ANO6: variants seen among roughly 807,000 people sequenced by gnomAD.
The protein encoded by ANO6 is anoctamin 6.
Under a neutral mutation model 117.5 loss-of-function variants are expected in ANO6, and 106 were observed. That is an observed-to-expected ratio of 0.90 (90% CI 0.77 to 1.06). ANO6 has a LOEUF of 1.06. Ranked by LOEUF, ANO6 falls within the 50% of genes least tolerant of loss-of-function variation. The pLI, the probability that ANO6 is intolerant of heterozygous loss-of-function variation, is 0.00. For synonymous variants in ANO6, 367 were observed against 385.1 expected, an observed-to-expected ratio of 0.95 and a Z score of 0.55; for missense variants, 955 against 1,121.1, an observed-to-expected ratio of 0.85 and a Z score of 2.12.
intron 2 of ANO6, among the ~76,000 whole-genome samples, chr12:45,317,113 G>GTGTGTGTGTGTATATATATATATATATA: frequency 2.0e-4 from 13 of 66,486 alleles, no homozygotes; most frequent in Non-Finnish European, 3.7e-4. Context: ...CTTTTTATAT[G>GTGTGTGTGTGTATATATATATATATATA]TATATATATA....
chr12:45,344,469 A>G (rs1011808226), intron 3 of ANO6, among the ~76,000 whole-genome samples: 1 of 152,198 alleles, frequency 6.6e-6, no homozygotes, highest in African/African-American at 2.4e-5. Context: ...GGAAGAAGGC[A>G]CATCTTACAT....
Position 45,388,274 on chromosome 12 carries a change from A to T in ANO6, c.1279A>T (p.Thr427Ser). ...QARPEYEARC[T>S]HVVINEITQE... is the part of the protein sequence containing the mutation. ...CCGACCAGAATACGAAGCACGATGT[A>T]CTCACGTAGTGATAAATGAGATTAC... The change falls in exon 11 of 20, where the codon ACT becomes TCT. Residue 427 changes from threonine (T) to serine (S), a missense_variant. Coordinates refer to ENST00000320560, the MANE Select transcript of ANO6 (RefSeq NM_001025356.3). 6.2e-7 allele frequency: 1 copy of T among 1,614,126 alleles called. No homozygotes were observed. The highest frequency in any genetic ancestry group is 2.2e-5 in the East Asian group (1 of 44,868).
intron 1 of ANO6, among the ~76,000 whole-genome samples, chr12:45,271,217 G>T (rs909445721): frequency 7.9e-5 from 12 of 152,080 alleles, no homozygotes; most frequent in African/African-American, 2.9e-4. Flanking sequence ...CAACATCCAG[G>T]GACCTTCGAA....
At chr12:45,217,450 G>C (rs546010091) in intron 1 of ANO6, among the ~76,000 whole-genome samples, 3 of 152,232 alleles carry the variant, frequency 2.0e-5, no homozygotes, top group Non-Finnish European at 4.4e-5. Flanking sequence ...TTTTGGGCAC[G>C]GAATATTTCG....
chr12:45,273,432 G>A (rs1014794814), intron 1 of ANO6, among the ~76,000 whole-genome samples: 1 of 152,170 alleles, frequency 6.6e-6, no homozygotes, highest in Admixed American at 6.5e-5. Flanking sequence ...TTTGGGGAAG[G>A]CAGCCAAGCA....
rs1172022556 is a variant in ANO6, at chr12:45,430,719, G to C, written c.*1408G>C. Reference sequence around the variant, plus strand: ...TCCTGCTGCACTCCTGTCTTGCCATGCACGTCTTGCCCCCTCACTTTTGCT... The same window carrying C: ...TCCTGCTGCACTCCTGTCTTGCCATCCACGTCTTGCCCCCTCACTTTTGCT... On this transcript the variant is annotated 3_prime_UTR_variant, in exon 20 of 20. Coordinates refer to ENST00000320560, the MANE Select transcript of ANO6 (RefSeq NM_001025356.3). 1.0e-6 allele frequency: 1 copy of C among 985,280 alleles called. No homozygotes were observed. The highest frequency in any genetic ancestry group is 1.2e-6 in the Non-Finnish European group (1 of 829,962). The allele number at this position is 985,280 out of a possible 1,614,324, so 61.0% of individuals were successfully genotyped here.
chr12:45,299,808 C>T (rs1312357673), intron 1 of ANO6, among the ~76,000 whole-genome samples: 4 of 151,742 alleles, frequency 2.6e-5, no homozygotes, highest in African/African-American at 7.3e-5. Context: ...GCCCAGATTG[C>T]GCTACTGCAC....
rs1018317508 is a variant in ANO6 at position 45,358,933 on chromosome 12, G to A, written c.998+1509G>A. ...CTGAGTAGCTGGGATTACAGGCTGC[G>A]CCACCACACCCGGCTAATTTTTGTA... On this transcript the variant is annotated intron_variant, in intron 8 of 19. Transcript: ENST00000320560. 1.4e-4 allele frequency among the ~76,000 whole-genome samples: 21 copies of A among 152,026 alleles called. No homozygotes were observed. In the South Asian group the frequency reaches 2.5e-3, roughly 18 times the overall value.
At chr12:45,392,739 C>G (rs939809734) in intron 12 of ANO6, among the ~76,000 whole-genome samples, 1 of 152,186 alleles carries the variant, frequency 6.6e-6, no homozygotes, top group Non-Finnish European at 1.5e-5. Flanking sequence ...CTCCAACAGA[C>G]CTGCAGCTGA....
chr12:45,303,509 G>A (rs1191458584), intron 2 of ANO6, among the ~76,000 whole-genome samples: 3 of 152,126 alleles, frequency 2.0e-5, no homozygotes, highest in Non-Finnish European at 4.4e-5. Flanking sequence ...CAAGGTGTTG[G>A]TGCGCCTGGT....
intron 1 of ANO6, among the ~76,000 whole-genome samples, chr12:45,254,086 GA>G (rs1247056813): frequency 3.9e-5 from 6 of 152,312 alleles, no homozygotes; most frequent in African/African-American, 1.4e-4. Flanking sequence ...AGAATCGCTT[GA>G]ACCCGGGAGG....
intron 3 of ANO6, among the ~76,000 whole-genome samples, chr12:45,341,122 G>C (rs148952425): frequency 3.6e-4 from 55 of 152,242 alleles, no homozygotes; most frequent in African/African-American, 1.3e-3. Flanking sequence ...GTAAAATGGA[G>C]GGCATTATAA....
chr12:45,225,102 C>A (rs1205662924), intron 1 of ANO6, among the ~76,000 whole-genome samples: 1 of 147,776 alleles, frequency 6.8e-6, no homozygotes, highest in African/African-American at 2.5e-5. Context: ...GTGGAAGATT[C>A]AATTGAACCC....
At chr12:45,350,174 G>A (rs1941243567) in intron 6 of ANO6, among the ~76,000 whole-genome samples, 1 of 152,172 alleles carries the variant, frequency 6.6e-6, no homozygotes, top group Admixed American at 6.5e-5. Flanking sequence ...TTTATTGTTT[G>A]TTTTCTGTAT....
intron 2 of ANO6, among the ~76,000 whole-genome samples, chr12:45,330,969 T>A (rs375971596): frequency 3.0e-4 from 45 of 152,074 alleles, no homozygotes; most frequent in Middle Eastern, 3.4e-3. Flanking sequence ...GCAGTTTTTT[T>A]TACTATGTTC....
intron 9 of ANO6, among the ~76,000 whole-genome samples, chr12:45,372,430 T>C (rs1239173469): frequency 7.0e-6 from 1 of 141,982 alleles, no homozygotes; most frequent in Admixed American, 7.1e-5. Flanking sequence ...AAAGTTGAAA[T>C]GAAGGAAAAA....
intron 1 of ANO6, among the ~76,000 whole-genome samples, chr12:45,224,722 A>T (rs1487475856): frequency 1.3e-5 from 2 of 151,922 alleles, no homozygotes; most frequent in Admixed American, 1.3e-4. Context: ...CTGTATACAC[A>T]CTCGTCTTTT....
chr12:45,383,439 T>C (rs1272226597), intron 10 of ANO6: 1 of 152,314 alleles, frequency 6.6e-6, no homozygotes, highest in Admixed American at 6.5e-5. Context: ...TAATGACATC[T>C]AGAATGGTGA....
rs571127621 is a variant in ANO6, at chr12:45,245,446, A to G, written c.70+29055A>G. 2.1e-5 allele frequency among the ~76,000 whole-genome samples: 3 copies of G among 143,424 alleles called. No homozygotes were observed. The South Asian group carries it at 6.6e-4, about 31-fold the overall frequency. The allele number at this position is 143,424 out of a possible 152,430, so 94.1% of individuals were successfully genotyped here. Reference sequence around the variant, plus strand: ...TTTTTTTTTTTTTTTTTGTGGGGAGACCCTCAATAGACTCTCTCCTTTCCT... The same window carrying G: ...TTTTTTTTTTTTTTTTTGTGGGGAGGCCCTCAATAGACTCTCTCCTTTCCT... On this transcript the variant is annotated intron_variant, in intron 1 of 19. Transcript: ENST00000320560.
Sources: allele counts gnomAD v4.1 joint callset (sites outside exome capture counted in the v4.1 genomes callset), GRCh38; gene constraint gnomAD v4.1.1; transcripts MANE v1.5; gene names NCBI Gene and HGNC (gene_info 2026-07-23, HGNC 2026-07-21).